The following NFIX variants were observed in gnomAD, a reference collection of about 807,000 sequenced individuals.
The protein encoded by NFIX is nuclear factor I X, also known as nuclear factor 1 X-type.
A neutral mutation model predicts 53.3 loss-of-function variants in NFIX; 2 were observed. The ratio of observed to expected loss-of-function variants is 0.04; its 90% CI spans 0.02 to 0.12. The LOEUF (loss-of-function observed/expected upper bound fraction) is 0.12, where lower values mean the gene tolerates loss of function less well. NFIX is among the 10% of genes least tolerant of loss of function. The pLI is 1.00. For missense variants in NFIX, 310 were observed against 674.5 expected (o/e 0.46, Z 5.99); for synonymous variants, 244 against 289.0 (o/e 0.84, Z 1.58).
intron 7 of NFIX, among the ~76,000 whole-genome samples, chr19:13,080,865 TG>T (rs1213554238): frequency 3.3e-5 from 5 of 151,430 alleles, no homozygotes; most frequent in South Asian, 2.1e-4. Context: ...CCGGGCGTGG[TG>T]GTGGGCGCCT....
intron 2 of NFIX, among the ~76,000 whole-genome samples, chr19:13,057,526 C>T (rs1016709194): frequency 6.6e-6 from 1 of 152,202 alleles, no homozygotes; most frequent in South Asian, 2.1e-4. Context: ...CCCCCAGCCT[C>T]GGCTCCCCAG....
At chr19:13,008,186 G>T (rs1048643295) in intron 1 of NFIX, among the ~76,000 whole-genome samples, 2 of 152,178 alleles carry the variant, frequency 1.3e-5, no homozygotes, top group African/African-American at 4.8e-5. Flanking sequence ...CCGATCCTTG[G>T]GGTCCTGTAT....
At position 13,003,588 on chromosome 19, in the gene NFIX, C is replaced by T. The variant is rs2011844254; in HGVS notation, c.27+7724C>T. On this transcript the variant is annotated intron_variant, in intron 1 of 10. Coordinates refer to ENST00000592199, the MANE Select transcript of NFIX (RefSeq NM_001365902.3). Reference sequence around the variant, plus strand: ...ACACACAAAACACCCCACACACTCCCTAACCCAGTGTCACCCACCAGGAGT... The same window carrying T: ...ACACACAAAACACCCCACACACTCCTTAACCCAGTGTCACCCACCAGGAGT... 1.3e-5 allele frequency among the ~76,000 whole-genome samples: 2 copies of T among 152,210 alleles called. 1 individual carries two copies. The highest frequency in any genetic ancestry group is 1.3e-4 in the Admixed American group (2 of 15,286).
chr19:12,997,539 G>A (rs1396130262), intron 1 of NFIX, among the ~76,000 whole-genome samples: 1 of 152,216 alleles, frequency 6.6e-6, no homozygotes, highest in Non-Finnish European at 1.5e-5. Flanking sequence ...CATGTTGGGC[G>A]CCCCTCACAA....
Position 13,095,615 on chromosome 19 carries a change from T to G in NFIX, c.*966T>G, listed in dbSNP as rs2018397733. On this transcript the variant is annotated 3_prime_UTR_variant, in exon 11 of 11. Coordinates refer to ENST00000592199, the MANE Select transcript of NFIX (RefSeq NM_001365902.3). ...CATCAGTTCCTGCCCCTGCCCCTCA[T>G]GCAGACTGCCCTGCTGGGGCCGGGC... 6.6e-6 allele frequency: 1 copy of G among 152,182 alleles called. No homozygotes were observed. The highest frequency in any genetic ancestry group is 1.5e-5 in the Non-Finnish European group (1 of 68,038). The allele number at this position is 152,182 out of a possible 1,614,324, so 9.4% of individuals were successfully genotyped here.
In NFIX at chr19:13,009,807, T is replaced by A; in HGVS notation, c.27+13943T>A. ...AGTAGCACTAGGCTTGAGTGTCTGA[T>A]GTGTGAGTGGCCATGTGGACGGCTG... On this transcript the variant is annotated intron_variant, in intron 1 of 10. Coordinates refer to ENST00000592199, the MANE Select transcript of NFIX (RefSeq NM_001365902.3). The surrounding 1 kb of genome is among the most constrained non-coding windows in gnomAD (Gnocchi z 4.7). 6.6e-6 allele frequency among the ~76,000 whole-genome samples: 1 copy of A among 152,206 alleles called. No homozygotes were observed. The highest frequency in any genetic ancestry group is 1.5e-5 in the Non-Finnish European group (1 of 68,036).
intron 7 of NFIX, among the ~76,000 whole-genome samples, chr19:13,079,565 A>G (rs1247190249): frequency 1.3e-5 from 2 of 152,156 alleles, no homozygotes; most frequent in African/African-American, 2.4e-5. Flanking sequence ...GCTCGTATGT[A>G]GGACACAGAA....
In NFIX at chr19:13,040,296, T is replaced by C. The variant is rs1396765500; in HGVS notation, c.559+14744T>C. Among the ~76,000 whole-genome samples the C allele has an allele frequency of 6.6e-6, 1 of 152,062 alleles. No individual in the cohort carries two copies. Among genetic ancestry groups the C allele is most frequent in the Non-Finnish European group, 1.5e-5 (1 of 68,028 alleles). ...GGTCTCCTTGGCTGTCCCTGCTAAA[T>C]AGTCATCTTTGGGGACATCCTCCCT... On this transcript the variant is annotated intron_variant, in intron 2 of 10. Transcript: ENST00000592199. This position sits in a 1 kb window ranked among gnomAD's most constrained non-coding sequence, Gnocchi z 4.2.
intron 2 of NFIX, among the ~76,000 whole-genome samples, chr19:13,031,653 G>T (rs1682312177): frequency 6.6e-6 from 1 of 152,186 alleles, no homozygotes; most frequent in Admixed American, 6.5e-5. Flanking sequence ...TCCTCCCGTA[G>T]GCGTAGGCGT....
intron 8 of NFIX, 149 bp from the exon 9 acceptor site, chr19:13,087,840 C>T: frequency 1.4e-6 from 1 of 718,390 alleles, no homozygotes; most frequent in Non-Finnish European, 2.2e-6. Context: ...TACACCCTCA[C>T]CCATCCTGTG....
rs1003941788 is a variant in NFIX at position 13,011,482 on chromosome 19, G to A, written c.28-13539G>A. ...CGGGCGGTGGAGGCGAGTTCCCTGC[G>A]CGCATCATGGACTTCAGGAGTGAGG... On this transcript the variant is annotated intron_variant, in intron 1 of 10. Coordinates refer to ENST00000592199, the MANE Select transcript of NFIX (RefSeq NM_001365902.3). The surrounding 1 kb of genome is among the most constrained non-coding windows in gnomAD (Gnocchi z 6.5). 1.3e-5 allele frequency among the ~76,000 whole-genome samples: 2 copies of A among 152,024 alleles called. No homozygotes were observed. Among genetic ancestry groups the A allele is most frequent in the Non-Finnish European group, 2.9e-5 (2 of 67,984 alleles).
chr19:13,018,341 G>GT (rs1204849788), intron 1 of NFIX, among the ~76,000 whole-genome samples: 1 of 117,938 alleles, frequency 8.5e-6, no homozygotes, highest in Non-Finnish European at 1.9e-5. Flanking sequence ...GGGGCGGGGG[G>GT]GGGGGGGGGG....
chr19:13,019,607 C>T (rs779937237), intron 1 of NFIX, among the ~76,000 whole-genome samples: 12 of 151,852 alleles, frequency 7.9e-5, no homozygotes, highest in South Asian at 2.1e-4. Context: ...TCTCTTTCTC[C>T]GTGGCCCTTT....
intron 2 of NFIX, among the ~76,000 whole-genome samples, chr19:13,058,358 G>A (rs1199276071): frequency 6.6e-6 from 1 of 152,114 alleles, no homozygotes. Context: ...TAAAAGCTCA[G>A]GATGTGCGCT....
intron 10 of NFIX, among the ~76,000 whole-genome samples, chr19:13,092,961 G>C (rs930925392): frequency 6.6e-6 from 1 of 152,364 alleles, no homozygotes; most frequent in African/African-American, 2.4e-5. Flanking sequence ...TCTCTTGTGC[G>C]TACTGTCCAG....
intron 8 of NFIX, among the ~76,000 whole-genome samples, chr19:13,084,391 C>G (rs565391139): frequency 2.6e-5 from 4 of 152,166 alleles, no homozygotes; most frequent in Non-Finnish European, 5.9e-5. Flanking sequence ...TTGCAGTGAG[C>G]CAAGATTGCG....
chr19:13,032,940 G>A (rs1310491244), intron 2 of NFIX, among the ~76,000 whole-genome samples: 1 of 152,178 alleles, frequency 6.6e-6, no homozygotes, highest in Non-Finnish European at 1.5e-5. Context: ...AGGCCTAATT[G>A]TCAGGGCTTG....
rs745977918 is a variant in NFIX, at chr19:13,095,396, G to A, written c.*747G>A. The stretch of plus-strand genomic sequence containing the variant: ...ACCCTGAGCCGCAAGAGCAGTCCTG[G>A]GGCCCTGGACCCCTCTGTACAGTCC... On this transcript the variant is annotated 3_prime_UTR_variant, in exon 11 of 11. Coordinates refer to ENST00000592199, the MANE Select transcript of NFIX (RefSeq NM_001365902.3). 206 of 152,364 alleles carry A rather than the reference G, an allele frequency of 1.4e-3. 1 individual carries two copies. The highest frequency in any genetic ancestry group is 1.8e-3 in the Non-Finnish European group (125 of 68,178). 9.4% of individuals were successfully genotyped at this position (152,364 alleles called of 1,614,324 possible). A position where few individuals can be genotyped will look rare whatever the true frequency, so the allele number is the denominator to read the frequency against.
intron 1 of NFIX, among the ~76,000 whole-genome samples, chr19:13,023,281 C>T (rs1404415859): frequency 1.3e-5 from 2 of 151,892 alleles, no homozygotes; most frequent in African/African-American, 4.8e-5. Context: ...CCATCCCATC[C>T]ACGTCCTCCC....
Sources: allele counts gnomAD v4.1 joint callset (sites outside exome capture counted in the v4.1 genomes callset), GRCh38; gene constraint gnomAD v4.1.1; non-coding constraint Gnocchi (gnomAD v3.1); transcripts MANE v1.5; gene names NCBI Gene and HGNC (gene_info 2026-07-23, HGNC 2026-07-21).